Variants in CNTN1 observed in about 807,000 individuals in gnomAD.
CNTN1 encodes contactin 1, also known as contactin-1.
CNTN1 carries 38 observed loss-of-function variants against 126.4 expected under a neutral mutation model. The ratio of observed to expected loss-of-function variants is 0.30; its 90% CI spans 0.23 to 0.39. The LOEUF (loss-of-function observed/expected upper bound fraction) is 0.39. CNTN1 is among the 10% of genes least tolerant of loss of function. CNTN1 has a pLI of 1.00. For missense variants in CNTN1, 1,009 were observed against 1,248.4 expected, an observed-to-expected ratio of 0.81 and a Z score of 2.89; for synonymous variants, 413 against 422.6, an observed-to-expected ratio of 0.98 and a Z score of 0.28.
At position 40,925,836 on chromosome 12, in the gene CNTN1, G is replaced by A. The variant is rs1192153821; in HGVS notation, c.496+1184G>A. The stretch of plus-strand genomic sequence containing the variant: ...TATATATATATATATATATGTATGT[G>A]TGTGTGTGTATATATATATATATAT... On this transcript the variant is annotated intron_variant, in intron 6 of 23. Coordinates refer to ENST00000551295, the MANE Select transcript of CNTN1 (RefSeq NM_001843.4). Among the ~76,000 whole-genome samples the A allele has an allele frequency of 6.0e-3, 446 of 74,620 alleles. 3 individuals carry two copies. The highest frequency in any genetic ancestry group is 0.029 in the African/African-American group (405 of 13,806). 49.0% of individuals were successfully genotyped at this position (74,620 alleles called of 152,430 possible). A position where few individuals can be genotyped will look rare whatever the true frequency, so the allele number is the denominator to read the frequency against.
At position 40,949,512 on chromosome 12, in the gene CNTN1, A is replaced by C. The variant is rs181309143; in HGVS notation, c.1683+5342A>C. Among the ~76,000 whole-genome samples the C allele has an allele frequency of 1.9e-4, 19 of 98,366 alleles. No individual in the cohort carries two copies. The East Asian group carries it at 6.1e-3, about 31-fold the overall frequency. The allele number at this position is 98,366 out of a possible 152,430, so 64.5% of individuals were successfully genotyped here. ...CATTGTTCAATATTTCATTGTCTCTATTCACTATTTTGGTTGTTGTTGCTG... is the reference window on the plus strand; with the variant it reads ...CATTGTTCAATATTTCATTGTCTCTCTTCACTATTTTGGTTGTTGTTGCTG... On this transcript the variant is annotated intron_variant, in intron 14 of 23. Coordinates refer to ENST00000551295, the MANE Select transcript of CNTN1 (RefSeq NM_001843.4).
At chr12:40,924,147 G>T (rs1945546976) in intron 5 of CNTN1, among the ~76,000 whole-genome samples, 2 of 152,066 alleles carry the variant, frequency 1.3e-5, no homozygotes, top group Non-Finnish European at 1.5e-5. Flanking sequence ...CTCAGGAAGA[G>T]AAATACCCTT....
chr12:40,764,238 A>G (rs1424874336), intron 1 of CNTN1, among the ~76,000 whole-genome samples: 1 of 152,242 alleles, frequency 6.6e-6, no homozygotes, highest in South Asian at 2.1e-4. Flanking sequence ...AGCACCAGGC[A>G]GATTAAGCAG....
intron 1 of CNTN1, among the ~76,000 whole-genome samples, chr12:40,800,482 C>A (rs1211954704): frequency 6.6e-6 from 1 of 151,796 alleles, no homozygotes; most frequent in African/African-American, 2.4e-5. Flanking sequence ...CTTTAATTAT[C>A]CTTATTAAAA....
rs75641169 is a variant in CNTN1, at chr12:40,776,932, T to C, written c.-77+84340T>C. Among the ~76,000 whole-genome samples, 7 of 151,862 alleles carry C rather than the reference T, an allele frequency of 4.6e-5. No homozygotes were observed. In the East Asian group the frequency reaches 1.4e-3, roughly 29 times the overall value. ...ACACTTTTATACTGTTATTTTGTTT[T>C]TTGTTTATCTTGTATATCCCACCTC... is the stretch of plus-strand genomic sequence containing the variant. On this transcript the variant is annotated intron_variant, in intron 1 of 23. Transcript: ENST00000551295.
intron 1 of CNTN1, among the ~76,000 whole-genome samples, chr12:40,798,570 C>T (rs958718851): frequency 1.3e-5 from 2 of 151,856 alleles, no homozygotes; most frequent in African/African-American, 2.4e-5. Context: ...AAAAAAAGAA[C>T]AAGATCATAT....
intron 1 of CNTN1, among the ~76,000 whole-genome samples, chr12:40,815,379 G>A (rs1038328072): frequency 4.6e-5 from 7 of 152,088 alleles, no homozygotes; most frequent in Admixed American, 4.6e-4. Context: ...CTTGTTAGCT[G>A]TATTCCTAGG....
chr12:40,863,605 A>G (rs1289799583), intron 1 of CNTN1, among the ~76,000 whole-genome samples: 1 of 152,170 alleles, frequency 6.6e-6, no homozygotes, highest in East Asian at 1.9e-4. Flanking sequence ...TGGGTTGCAC[A>G]GCAGGAGGTG....
chr12:40,703,006 A>G (rs1275500450), intron 1 of CNTN1, among the ~76,000 whole-genome samples: 1 of 151,010 alleles, frequency 6.6e-6, no homozygotes, highest in African/African-American at 2.4e-5. Flanking sequence ...TGAAATTGCT[A>G]GCCAAGAGGT....
chr12:40,980,005 T>C (rs1440500998), intron 15 of CNTN1, among the ~76,000 whole-genome samples: 1 of 152,190 alleles, frequency 6.6e-6, no homozygotes, highest in East Asian at 1.9e-4. Flanking sequence ...ATTATATAAG[T>C]AGAAACATTT....
At chr12:41,045,836 C>A (rs576006249) in intron 23 of CNTN1, among the ~76,000 whole-genome samples, 1 of 152,088 alleles carries the variant, frequency 6.6e-6, no homozygotes, top group Non-Finnish European at 1.5e-5. Context: ...GATTATCCAG[C>A]CAGTAGTCCT....
At chr12:40,944,412 T>C (rs1946366998) in intron 14 of CNTN1, among the ~76,000 whole-genome samples, 1 of 152,024 alleles carries the variant, frequency 6.6e-6, no homozygotes, top group South Asian at 2.1e-4. Flanking sequence ...GGGCTTTAGG[T>C]ATGATTTCCC....
chr12:40,798,023 C>A (rs1417012296), intron 1 of CNTN1, among the ~76,000 whole-genome samples: 1 of 151,740 alleles, frequency 6.6e-6, no homozygotes, highest in East Asian at 1.9e-4. Context: ...GTCTGGAGCT[C>A]AGAAAAGAAA....
intron 1 of CNTN1, among the ~76,000 whole-genome samples, chr12:40,767,612 T>TTTTGTTTG (rs59423116): frequency 1.1e-4 from 16 of 144,710 alleles, no homozygotes; most frequent in East Asian, 4.2e-4. Flanking sequence ...CTGGCCCTTT[T>TTTTGTTTG]TTTGTTTGTT....
At chr12:40,793,448 C>G (rs1344277537) in intron 1 of CNTN1, among the ~76,000 whole-genome samples, 1 of 128,852 alleles carries the variant, frequency 7.8e-6, no homozygotes, top group South Asian at 3.0e-4. Flanking sequence ...TTGTCCCCGT[C>G]AGCACCTACT....
chr12:40,890,542 T>C (rs1353739707), intron 1 of CNTN1, among the ~76,000 whole-genome samples: 5 of 152,170 alleles, frequency 3.3e-5, no homozygotes, highest in Non-Finnish European at 5.9e-5. Context: ...GAAACACTGA[T>C]TATTTTACTG....
intron 1 of CNTN1, among the ~76,000 whole-genome samples, chr12:40,797,113 C>G (rs12427162): frequency 6.6e-6 from 1 of 151,764 alleles, no homozygotes; most frequent in Admixed American, 6.6e-5. Context: ...TTTTTGGCAC[C>G]CCCTATGTGC....
chr12:40,810,073 A>C (rs527273665), intron 1 of CNTN1, among the ~76,000 whole-genome samples: 1 of 152,126 alleles, frequency 6.6e-6, no homozygotes, highest in Non-Finnish European at 1.5e-5. Flanking sequence ...AAATATATGC[A>C]AAAGTTTTTA....
At chr12:40,705,772 G>T (rs1045299601) in intron 1 of CNTN1, among the ~76,000 whole-genome samples, 15 of 152,184 alleles carry the variant, frequency 9.9e-5, no homozygotes, top group Non-Finnish European at 2.2e-4. Context: ...TGTACAGGAA[G>T]CATAATGCAG....
Sources: allele counts gnomAD v4.1 joint callset (sites outside exome capture counted in the v4.1 genomes callset), GRCh38; gene constraint gnomAD v4.1.1; transcripts MANE v1.5; gene names NCBI Gene and HGNC (gene_info 2026-07-23, HGNC 2026-07-21).